Variants in LRTM1 observed in about 807,000 individuals in gnomAD.
LRTM1 encodes leucine-rich repeat and transmembrane domain-containing protein 1.
A neutral mutation model predicts 32.4 loss-of-function variants in LRTM1; 38 were observed. That is an observed-to-expected ratio of 1.17 (90% CI 0.91 to 1.54). The LOEUF (loss-of-function observed/expected upper bound fraction) is 1.54. LRTM1 is among the 40% of genes most tolerant of loss of function. LRTM1 has a pLI of 0.00. For missense variants in LRTM1, 466 were observed against 415.4 expected, an observed-to-expected ratio of 1.12 and a Z score of -1.06; for synonymous variants, 186 against 169.9, an observed-to-expected ratio of 1.09 and a Z score of -0.74.
chr3:54,937,855 T>C (rs1171026486), intron 1 of LRTM1, among the ~76,000 whole-genome samples: 2 of 152,056 alleles, frequency 1.3e-5, no homozygotes, highest in Non-Finnish European at 2.9e-5. Context: ...GGAAGGAGCT[T>C]GGGCAAGCAG....
At chr3:54,949,879 A>C (rs1474180718) in intron 1 of LRTM1, among the ~76,000 whole-genome samples, 1 of 152,206 alleles carries the variant, frequency 6.6e-6, no homozygotes, top group African/African-American at 2.4e-5. Flanking sequence ...GGTAGAAGTA[A>C]TTATTTTTAT....
At chr3:54,944,565 C>T (rs930195262) in intron 1 of LRTM1, among the ~76,000 whole-genome samples, 4 of 152,026 alleles carry the variant, frequency 2.6e-5, no homozygotes, top group East Asian at 1.9e-4. Context: ...GGACTACAGG[C>T]GCCCACCACC....
At chr3:54,946,599 C>T (rs1850139) in intron 1 of LRTM1, among the ~76,000 whole-genome samples, 39,810 of 151,788 alleles carry the variant, frequency 0.26, 5,513 homozygotes, top group African/African-American at 0.35. Context: ...TTCACCAAGG[C>T]CTTGTTGCAA....
Position 54,951,990 on chromosome 3 carries a change from A to G in LRTM1, c.-222+14938T>C, listed in dbSNP as rs545767278. 2.4e-3 allele frequency among the ~76,000 whole-genome samples: 366 copies of G among 152,288 alleles called. 3 individuals are homozygous for G. The highest frequency in any genetic ancestry group is 8.5e-3 in the African/African-American group (354 of 41,560). ...CAGCCTCCCAAGTAGCCGGGACTAC[A>G]GGTGCCTGCCACCATACCTGGCTAA... is the stretch of plus-strand genomic sequence containing the variant. On this transcript the variant is annotated intron_variant, in intron 1 of 2. Transcript: ENST00000493075.
chr3:54,918,818 CAT>C lies in LRTM1; in HGVS notation c.677_678del (p.His226ArgfsTer12), dbSNP rs750519493. On this transcript the variant is annotated frameshift_variant, in exon 3 of 3. Transcript: ENST00000273286. LOFTEE classifies it high-confidence loss of function. Reference protein sequence around the residue: ...WKGKDLLRIPHELYQPCPLPA... With the variant: ...WKGKDLLRIPXELYQPCPLPA... ...GGAAGAGGGCAGGGCTGGTACAGCT[CAT>C]GAGGGATCCTAAGGAGGTCCTTTCC... 3 of 1,610,796 alleles carry C rather than the reference CAT, an allele frequency of 1.9e-6. No individual in the cohort carries two copies. Among genetic ancestry groups the C allele is most frequent in the Non-Finnish European group, 2.5e-6 (3 of 1,177,940 alleles).
intron 1 of LRTM1, among the ~76,000 whole-genome samples, chr3:54,941,876 C>G (rs1259592126): frequency 6.6e-6 from 1 of 152,144 alleles, no homozygotes; most frequent in African/African-American, 2.4e-5. Context: ...TCTGTTTGCA[C>G]CTGTCTCGGC....
At chr3:54,923,080 T>G (rs1700899674) in intron 2 of LRTM1, among the ~76,000 whole-genome samples, 1 of 152,206 alleles carries the variant, frequency 6.6e-6, no homozygotes, top group Non-Finnish European at 1.5e-5. Context: ...CTGGTTCTTC[T>G]TCTGCAGCCT....
chr3:54,942,404 T>C (rs1229732926), intron 1 of LRTM1, among the ~76,000 whole-genome samples: 3 of 152,180 alleles, frequency 2.0e-5, no homozygotes, highest in African/African-American at 7.2e-5. Flanking sequence ...CACCTTCTGA[T>C]TTGGGCACAG....
chr3:54,945,807 G>A (rs1701598217), intron 1 of LRTM1, among the ~76,000 whole-genome samples: 1 of 152,180 alleles, frequency 6.6e-6, no homozygotes, highest in African/African-American at 2.4e-5. Flanking sequence ...ACCAGGCAGG[G>A]TTTGCAGCAT....
intron 1 of LRTM1, among the ~76,000 whole-genome samples, chr3:54,941,924 T>A (rs1701477795): frequency 6.6e-6 from 1 of 152,174 alleles, no homozygotes. Flanking sequence ...TGGGATAAAC[T>A]TCAACCTCGT....
At chr3:54,953,473 G>A (rs7639803) in intron 1 of LRTM1, among the ~76,000 whole-genome samples, 90,398 of 152,008 alleles carry the variant, frequency 0.59, 27,336 homozygotes, top group East Asian at 0.84. Flanking sequence ...ATCATGGGAC[G>A]CAGCTGAAGC....
Position 54,918,544 on chromosome 3 carries a change from G to A in LRTM1, c.953C>T (p.Ala318Val), listed in dbSNP as rs1483439131. The change falls in exon 3 of 3, where the codon GCC becomes GTC. Residue 318 changes from alanine (A) to valine (V), a missense_variant. By Grantham distance (64) the Ala-to-Val change is moderately conservative. Transcript: ENST00000273286. ...AGCCAAGGGTCCCCCATGGTACTGG[G>A]CTGTGATTGCCGCATAGGTGCAGCC... is the stretch of plus-strand genomic sequence containing the variant. Reference protein sequence around the residue: ...IYGCTYAAITAQYHGGPLAQT... With the variant: ...IYGCTYAAITVQYHGGPLAQT... The A allele has an allele frequency of 6.2e-7, 1 of 1,613,792 alleles. No homozygotes were observed. The highest frequency in any genetic ancestry group is 1.3e-5 in the African/African-American group (1 of 74,846).
chr3:54,943,728 T>C (rs1156897760), intron 1 of LRTM1, among the ~76,000 whole-genome samples: 4 of 152,198 alleles, frequency 2.6e-5, no homozygotes, highest in African/African-American at 9.7e-5. Flanking sequence ...CTATTTCATC[T>C]TGCTTTGGTG....
chr3:54,926,028 C>A (rs1701004188), intron 1 of LRTM1, among the ~76,000 whole-genome samples: 1 of 152,106 alleles, frequency 6.6e-6, no homozygotes, highest in Non-Finnish European at 1.5e-5. Flanking sequence ...TTCCTTGATT[C>A]TTTTTTCTTT....
At chr3:54,962,152 T>C (rs1403223791) in intron 1 of LRTM1, among the ~76,000 whole-genome samples, 3 of 152,226 alleles carry the variant, frequency 2.0e-5, no homozygotes, top group Admixed American at 1.3e-4. Flanking sequence ...CACCTCTTAA[T>C]ACTGCTGCAT....
intron 1 of LRTM1, among the ~76,000 whole-genome samples, chr3:54,958,935 C>T (rs560604751): frequency 2.6e-5 from 4 of 152,088 alleles, no homozygotes; most frequent in African/African-American, 9.6e-5. Flanking sequence ...AAAACCCTGT[C>T]TCTACAAAAA....
At chr3:54,950,919 G>A (rs1328907921) in intron 1 of LRTM1, among the ~76,000 whole-genome samples, 1 of 152,182 alleles carries the variant, frequency 6.6e-6, no homozygotes, top group Non-Finnish European at 1.5e-5. Flanking sequence ...AAATAAAGAG[G>A]ATACTCTCTG....
intron 1 of LRTM1, among the ~76,000 whole-genome samples, chr3:54,957,258 C>T (rs1338670233): frequency 6.6e-6 from 1 of 151,884 alleles, no homozygotes; most frequent in Non-Finnish European, 1.5e-5. Context: ...CTCCTGGGCT[C>T]AGGTGATCTT....
chr3:54,944,396 G>GTATTTATT (rs542683931), intron 1 of LRTM1, among the ~76,000 whole-genome samples: 2,875 of 148,626 alleles, frequency 0.019, 58 homozygotes, highest in African/African-American at 0.037. Flanking sequence ...ATTTCCCAGG[G>GTATTTATT]TATTTATTTA....
Sources: gnomAD v4.1 joint callset for allele counts (sites outside exome capture counted in the v4.1 genomes callset) on GRCh38, gnomAD v4.1.1 for gene constraint, MANE v1.5 for transcripts, NCBI Gene and HGNC (gene_info 2026-07-23, HGNC 2026-07-21) for gene names.